GRM7: variants seen among roughly 807,000 people sequenced by gnomAD.
GRM7 encodes the protein glutamate metabotropic receptor 7, also known as metabotropic glutamate receptor 7.
A neutral mutation model predicts 84.5 loss-of-function variants in GRM7; 35 were observed. That is an observed-to-expected ratio of 0.41 (90% CI 0.32 to 0.55). GRM7 has a LOEUF of 0.55. Among genes scored for constraint, GRM7 ranks in the 20% least tolerant of loss-of-function variants. The pLI, the probability that GRM7 is intolerant of heterozygous loss-of-function variation, is 0.19. For synonymous variants in GRM7, 487 were observed against 455.1 expected, an observed-to-expected ratio of 1.07 and a Z score of -0.89; for missense variants, 1,003 against 1,194.6, an observed-to-expected ratio of 0.84 and a Z score of 2.36.
chr3:7,451,193 C>T (rs556379083), intron 5 of GRM7, among the ~76,000 whole-genome samples: 4 of 152,212 alleles, frequency 2.6e-5, no homozygotes, highest in South Asian at 2.1e-4. Context: ...CTACTGGTGT[C>T]GTGTACTTAA....
intron 8 of GRM7, among the ~76,000 whole-genome samples, chr3:7,616,490 G>T (rs1697085046): frequency 6.6e-6 from 1 of 152,064 alleles, no homozygotes; most frequent in Admixed American, 6.6e-5. Context: ...GGTCCATCAG[G>T]ATCCAGCTAA....
chr3:7,556,648 G>C (rs979448937), intron 7 of GRM7, among the ~76,000 whole-genome samples: 3 of 152,174 alleles, frequency 2.0e-5, no homozygotes, highest in African/African-American at 7.2e-5. Flanking sequence ...CTCACTGAAC[G>C]TGGCACTTAG....
Position 7,099,814 on chromosome 3 carries a change from T to C in GRM7, c.520-46638T>C, listed in dbSNP as rs937988995. Among the ~76,000 whole-genome samples, 2 of 122,234 alleles carry C rather than the reference T, an allele frequency of 1.6e-5. 1 individual carries two copies. Among genetic ancestry groups the C allele is most frequent in the Non-Finnish European group, 3.2e-5 (2 of 62,346 alleles). 80.2% of individuals were successfully genotyped at this position (122,234 alleles called of 152,430 possible). Reference sequence around the variant, plus strand: ...CATACATGTATATGTACACGCATTATACATGTGCACATACATGTATATGTA... The same window carrying C: ...CATACATGTATATGTACACGCATTACACATGTGCACATACATGTATATGTA... On this transcript the variant is annotated intron_variant, in intron 1 of 9. Coordinates refer to ENST00000357716, the MANE Select transcript of GRM7 (RefSeq NM_000844.4).
intron 9 of GRM7, among the ~76,000 whole-genome samples, chr3:7,685,261 T>A (rs1263904186): frequency 6.6e-6 from 1 of 152,216 alleles, no homozygotes; most frequent in African/African-American, 2.4e-5. Flanking sequence ...AGATGTTCTG[T>A]AAATTGTCTT....
intron 7 of GRM7, among the ~76,000 whole-genome samples, chr3:7,575,559 G>T (rs886168709): frequency 6.6e-6 from 1 of 152,120 alleles, no homozygotes; most frequent in Non-Finnish European, 1.5e-5. Flanking sequence ...ATCTGTGTGG[G>T]TGGGTATAGA....
At chr3:7,042,314 A>G (rs1696654286) in intron 1 of GRM7, among the ~76,000 whole-genome samples, 1 of 152,208 alleles carries the variant, frequency 6.6e-6, no homozygotes, top group Non-Finnish European at 1.5e-5. Context: ...CTTGCTTGCT[A>G]GTGGGTTGAA....
intron 4 of GRM7, among the ~76,000 whole-genome samples, chr3:7,367,168 T>C (rs965735675): frequency 7.2e-5 from 11 of 151,846 alleles, no homozygotes; most frequent in African/African-American, 2.7e-4. Flanking sequence ...TCTTTCTAGA[T>C]GGGAATCCTA....
chr3:7,368,074 A>T (rs1693981555), intron 4 of GRM7, among the ~76,000 whole-genome samples: 1 of 152,052 alleles, frequency 6.6e-6, no homozygotes. Flanking sequence ...TATTTAGAGG[A>T]CATAGAACAA....
At chr3:7,229,755 A>ATT (rs1266640710) in intron 2 of GRM7, among the ~76,000 whole-genome samples, 2 of 28,486 alleles carry the variant, frequency 7.0e-5, no homozygotes, top group African/African-American at 2.7e-4. Context: ...ATATATATAT[A>ATT]TATATTTTTT....
At chr3:6,915,032 T>C (rs1362399095) in intron 1 of GRM7, among the ~76,000 whole-genome samples, 2 of 152,224 alleles carry the variant, frequency 1.3e-5, no homozygotes, top group Non-Finnish European at 2.9e-5. Context: ...TCAAGACTTA[T>C]TCCTTATTGC....
chr3:7,719,756 G>A (rs1701878539), intron 9 of GRM7, among the ~76,000 whole-genome samples: 1 of 146,712 alleles, frequency 6.8e-6, no homozygotes, highest in Admixed American at 7.0e-5. Context: ...AGCTTGCAGT[G>A]AGCCAAGATT....
chr3:6,887,361 C>T (rs1293985252), intron 1 of GRM7, among the ~76,000 whole-genome samples: 1 of 152,040 alleles, frequency 6.6e-6, no homozygotes, highest in East Asian at 1.9e-4. Context: ...GGTATATCTC[C>T]TAATGCTATC....
Position 7,188,990 on chromosome 3 carries a change from G to A in GRM7, c.736+42322G>A, listed in dbSNP as rs1301254775. The stretch of plus-strand genomic sequence containing the variant: ...AAAGAGCCTAGGAGCTGTACTTTCT[G>A]AGTGAGTGGTCTCCGACCTGTTGCA... On this transcript the variant is annotated intron_variant, in intron 2 of 9. Coordinates refer to ENST00000357716, the MANE Select transcript of GRM7 (RefSeq NM_000844.4). This position sits in a 1 kb window ranked among gnomAD's most constrained non-coding sequence, Gnocchi z 4.2. Among the ~76,000 whole-genome samples, 1 of 152,208 alleles carries A rather than the reference G, an allele frequency of 6.6e-6. No homozygotes were observed. The highest frequency in any genetic ancestry group is 1.5e-5 in the Non-Finnish European group (1 of 68,038).
chr3:7,223,834 G>T (rs139230574), intron 2 of GRM7, among the ~76,000 whole-genome samples: 270 of 152,306 alleles, frequency 1.8e-3, no homozygotes, highest in African/African-American at 5.8e-3. Context: ...TGTAGTTGCA[G>T]GCTGCTATGC....
chr3:7,656,547 GCACACACA>G (rs36040422), intron 8 of GRM7, among the ~76,000 whole-genome samples: 175 of 139,294 alleles, frequency 1.3e-3, no homozygotes, highest in Middle Eastern at 3.7e-3. Context: ...ATACGCGCGC[GCACACACA>G]CACACACACA....
intron 7 of GRM7, among the ~76,000 whole-genome samples, chr3:7,501,032 T>C (rs1699866670): frequency 6.6e-6 from 1 of 152,210 alleles, no homozygotes. Context: ...AGGCTTTTAT[T>C]GCACAGTATC....
chr3:7,456,530 C>T (rs962137490), intron 6 of GRM7, among the ~76,000 whole-genome samples: 3 of 121,900 alleles, frequency 2.5e-5, no homozygotes, highest in African/African-American at 5.1e-5. Flanking sequence ...AGCTAGGTAG[C>T]GATGATGTTA....
At chr3:6,865,248 A>T (rs1694900015) in intron 1 of GRM7, among the ~76,000 whole-genome samples, 1 of 152,220 alleles carries the variant, frequency 6.6e-6, no homozygotes, top group Non-Finnish European at 1.5e-5. Flanking sequence ...TATAAGTAAC[A>T]TATTTAAAAA....
At chr3:7,520,146 G>T (rs778438637) in intron 7 of GRM7, 2 of 152,164 alleles carry the variant, frequency 1.3e-5, no homozygotes, top group Non-Finnish European at 2.9e-5. Flanking sequence ...GATCAAAGGA[G>T]AGGTACATAG....
Sources: gnomAD v4.1 joint callset for allele counts (sites outside exome capture counted in the v4.1 genomes callset) on GRCh38, gnomAD v4.1.1 for gene constraint, Gnocchi (gnomAD v3.1) non-coding constraint, MANE v1.5 for transcripts, NCBI Gene and HGNC (gene_info 2026-07-23, HGNC 2026-07-21) for gene names.